Variants in PRKCA observed in about 807,000 individuals in gnomAD.
The protein encoded by PRKCA is protein kinase C alpha, also known as protein kinase C alpha type.
A neutral mutation model predicts 87.0 loss-of-function variants in PRKCA; 27 were observed. The ratio of observed to expected loss-of-function variants is 0.31; its 90% CI spans 0.23 to 0.43. The LOEUF is 0.43. PRKCA is among the 20% of genes least tolerant of loss of function. The probability of loss-of-function intolerance (pLI) is 1.00; values close to 1 mark genes in which losing one functional copy is unlikely to be tolerated. For missense variants in PRKCA, 518 were observed against 852.3 expected, an observed-to-expected ratio of 0.61 and a Z score of 4.88; for synonymous variants, 329 against 311.1, an observed-to-expected ratio of 1.06 and a Z score of -0.61.
At chr17:66,710,581 A>T (rs769287936) in intron 8 of PRKCA, among the ~76,000 whole-genome samples, 1 of 151,902 alleles carries the variant, frequency 6.6e-6, no homozygotes, top group Non-Finnish European at 1.5e-5. Context: ...TTAAGGATGC[A>T]CCGCGTGTTC....
intron 13 of PRKCA, among the ~76,000 whole-genome samples, chr17:66,755,394 G>A (rs763222072): frequency 3.3e-4 from 50 of 151,976 alleles, no homozygotes; most frequent in Non-Finnish European, 6.6e-4. Flanking sequence ...CTTAATAACC[G>A]CCTCATCACA....
intron 2 of PRKCA, among the ~76,000 whole-genome samples, chr17:66,441,659 T>C (rs1380380263): frequency 6.6e-6 from 1 of 152,184 alleles, no homozygotes; most frequent in Non-Finnish European, 1.5e-5. Context: ...GTGATCCCCT[T>C]TCTAAAGGAG....
At chr17:66,757,272 C>T (rs760788514) in intron 13 of PRKCA, among the ~76,000 whole-genome samples, 9 of 148,668 alleles carry the variant, frequency 6.1e-5, no homozygotes, top group Non-Finnish European at 1.0e-4. Context: ...GGGACAGCTA[C>T]AAAAGATATA....
intron 3 of PRKCA, among the ~76,000 whole-genome samples, chr17:66,539,422 G>A (rs1263823535): frequency 1.8e-5 from 2 of 112,346 alleles, no homozygotes; most frequent in Non-Finnish European, 3.7e-5. Flanking sequence ...TTTTTTTTTT[G>A]AGATGGAGTC....
intron 5 of PRKCA, chr17:66,677,118 C>G (rs1444032612): frequency 1.4e-5 from 1 of 72,242 alleles, no homozygotes; most frequent in Non-Finnish European, 3.1e-5. Context: ...CTCGCTCTGT[C>G]GCCCAGGCTG....
intron 2 of PRKCA, among the ~76,000 whole-genome samples, chr17:66,434,549 C>T (rs1233756257): frequency 6.6e-6 from 1 of 152,078 alleles, no homozygotes; most frequent in African/African-American, 2.4e-5. Flanking sequence ...GCAAAGCTCC[C>T]CATTTCTGTA....
chr17:66,797,302 T>C (rs1335229028), intron 16 of PRKCA, among the ~76,000 whole-genome samples: 4 of 152,198 alleles, frequency 2.6e-5, no homozygotes, highest in Admixed American at 6.5e-5. Flanking sequence ...GTCCGTGTCA[T>C]TCATGTTTTG....
At chr17:66,393,125 C>G (rs1910457288) in intron 2 of PRKCA, among the ~76,000 whole-genome samples, 1 of 152,192 alleles carries the variant, frequency 6.6e-6, no homozygotes, top group Non-Finnish European at 1.5e-5. Flanking sequence ...TTTCAGAGCA[C>G]AGGCTATGGT....
intron 2 of PRKCA, among the ~76,000 whole-genome samples, chr17:66,406,772 C>T (rs914924573): frequency 6.6e-6 from 1 of 151,938 alleles, no homozygotes; most frequent in African/African-American, 2.4e-5. Flanking sequence ...CATCTACTTT[C>T]ATTCTTTTCC....
At chr17:66,534,112 A>C (rs1419689668) in intron 3 of PRKCA, among the ~76,000 whole-genome samples, 1 of 145,990 alleles carries the variant, frequency 6.8e-6, no homozygotes, top group Non-Finnish European at 1.5e-5. Flanking sequence ...TTTTGATTAC[A>C]TTCACCTTGA....
chr17:66,580,288 T>C (rs1240151834), intron 3 of PRKCA, among the ~76,000 whole-genome samples: 1 of 152,162 alleles, frequency 6.6e-6, no homozygotes, highest in Non-Finnish European at 1.5e-5. Flanking sequence ...TCCACATTCT[T>C]AGGGAGTCAA....
intron 5 of PRKCA, among the ~76,000 whole-genome samples, chr17:66,653,806 A>C (rs1971656461): frequency 1.4e-5 from 1 of 69,254 alleles, no homozygotes; most frequent in Non-Finnish European, 3.8e-5. Context: ...AAAAAAAAAA[A>C]AAACAAAACC....
chr17:66,609,101 T>C (rs1248589872), intron 3 of PRKCA, among the ~76,000 whole-genome samples: 3 of 152,226 alleles, frequency 2.0e-5, no homozygotes, highest in African/African-American at 7.2e-5. Flanking sequence ...CTCAGACTAA[T>C]CATTTTGCTG....
chr17:66,398,058 A>G (rs1448737060), intron 2 of PRKCA: 1 of 152,200 alleles, frequency 6.6e-6, no homozygotes, highest in African/African-American at 2.4e-5. Context: ...GTCAATGTAC[A>G]TGGCAAATGC....
intron 2 of PRKCA, among the ~76,000 whole-genome samples, chr17:66,360,478 G>A (rs1313576372): frequency 6.6e-6 from 1 of 152,206 alleles, no homozygotes; most frequent in African/African-American, 2.4e-5. Flanking sequence ...GTCTGGGAAA[G>A]TCCTCTATTC....
chr17:66,354,109 C>T (rs183295224), intron 2 of PRKCA, among the ~76,000 whole-genome samples: 2 of 152,262 alleles, frequency 1.3e-5, no homozygotes, highest in Admixed American at 6.5e-5. Flanking sequence ...GGATCGCAGA[C>T]GCGAACATTG....
At chr17:66,352,763 C>T (rs1907827121) in intron 2 of PRKCA, among the ~76,000 whole-genome samples, 1 of 151,576 alleles carries the variant, frequency 6.6e-6, no homozygotes, top group African/African-American at 2.4e-5. Context: ...GGGGTTTCAC[C>T]ATGTTGACCA....
intron 2 of PRKCA, among the ~76,000 whole-genome samples, chr17:66,369,937 A>G (rs185616074): frequency 2.2e-4 from 34 of 152,332 alleles, no homozygotes; most frequent in South Asian, 6.2e-4. Context: ...ACTGCCAAGC[A>G]CTGCAGGTAT....
intron 3 of PRKCA, among the ~76,000 whole-genome samples, chr17:66,545,385 T>C (rs1393340018): frequency 1.3e-5 from 2 of 152,200 alleles, no homozygotes; most frequent in African/African-American, 2.4e-5. Flanking sequence ...GCCAAGATTG[T>C]GCCACTGCAC....
Sources: gnomAD v4.1 joint callset for allele counts (sites outside exome capture counted in the v4.1 genomes callset) on GRCh38, gnomAD v4.1.1 for gene constraint, MANE v1.5 for transcripts, NCBI Gene and HGNC (gene_info 2026-07-23, HGNC 2026-07-21) for gene names.